Variants in ECHS1 observed in about 807,000 individuals in gnomAD.
The protein encoded by ECHS1 is enoyl-CoA hydratase, short chain 1.
Under a neutral mutation model 33.5 loss-of-function variants are expected in ECHS1, and 19 were observed. The ratio of observed to expected loss-of-function variants is 0.57; its 90% confidence interval spans 0.40 to 0.83. ECHS1 has a LOEUF of 0.83. Among genes scored for constraint, ECHS1 ranks in the 40% least tolerant of loss-of-function variants. The probability of loss-of-function intolerance (pLI) is 0.00; values close to 1 mark genes in which losing one functional copy is unlikely to be tolerated. For synonymous variants in ECHS1, 158 were observed against 146.6 expected (o/e 1.08, Z -0.56); for missense variants, 365 against 381.3 (o/e 0.96, Z 0.36).
intron 2 of ECHS1, 149 bp from the exon 3 acceptor site, chr10:133,370,180 T>A: frequency 8.9e-7 from 1 of 1,128,838 alleles, no homozygotes; most frequent in Admixed American, 2.7e-5. Context: ...CGTGGACAGC[T>A]GTAGGGACGC....
At chr10:133,363,549 C>T (rs767693827) in intron 7 of ECHS1, among the ~76,000 whole-genome samples, 4 of 152,144 alleles carry the variant, frequency 2.6e-5, no homozygotes, top group South Asian at 2.1e-4. Context: ...TGTGGGAGGC[C>T]GAGGCAGGCA....
At chr10:133,370,805 C>A in intron 1 of ECHS1, 48 bp from the exon 2 acceptor site, 2 of 1,564,950 alleles carry the variant, frequency 1.3e-6, no homozygotes, top group Non-Finnish European at 1.7e-6. Context: ...AGGTATCAAA[C>A]TGGGGAGAGT....
At chr10:133,363,243 G>A (rs1005428775) in intron 7 of ECHS1, among the ~76,000 whole-genome samples, 1 of 152,260 alleles carries the variant, frequency 6.6e-6, no homozygotes, top group Non-Finnish European at 1.5e-5. Flanking sequence ...TCAACTGGAT[G>A]ATGGGTGGCC....
chr10:133,368,107 C>T (rs776931630), intron 4 of ECHS1, among the ~76,000 whole-genome samples: 1 of 152,170 alleles, frequency 6.6e-6, no homozygotes, highest in South Asian at 2.1e-4. Flanking sequence ...CTCTCGTCTC[C>T]GCACATGGGG....
chr10:133,364,611 T>C, intron 7 of ECHS1, 47 bp downstream of exon 7: 2 of 1,425,054 alleles, frequency 1.4e-6, no homozygotes, highest in Non-Finnish European at 2.0e-6. Context: ...CAGCAACTTG[T>C]GTGACTGGAA....
In ECHS1 at chr10:133,370,585, G is replaced by A. The variant is rs770887037; in HGVS notation, c.261C>T (p.Leu87=). ...EEDPAVGAIV[L]TGGDKAFAAG... ...CTGCAAAGGCCTTATCCCCGCCGGTGAGGACAATGGCCCCCACGGCCGGGT... is the reference window on the plus strand; with the variant it reads ...CTGCAAAGGCCTTATCCCCGCCGGTAAGGACAATGGCCCCCACGGCCGGGT... The change falls in exon 2 of 8, where the codon CTC becomes CTT. Residue 87 remains leucine (L), a synonymous_variant. Coordinates refer to ENST00000368547, the MANE Select transcript of ECHS1 (RefSeq NM_004092.4). 33 of 1,604,100 alleles carry A rather than the reference G, an allele frequency of 2.1e-5. No individual in the cohort carries two copies. Among genetic ancestry groups the A allele is most frequent in the Non-Finnish European group, 2.6e-5 (31 of 1,176,050 alleles).
intron 1 of ECHS1, among the ~76,000 whole-genome samples, 179 bp from the exon 2 acceptor site, chr10:133,370,936 C>T (rs1849100023): frequency 6.6e-6 from 1 of 152,046 alleles, no homozygotes; most frequent in Non-Finnish European, 1.5e-5. Context: ...TAGATGGTAG[C>T]CTTGGTACCA....
intron 5 of ECHS1, 96 bp from the exon 6 acceptor site, chr10:133,366,191 AC>A: frequency 6.9e-7 from 1 of 1,439,272 alleles, no homozygotes; most frequent in Non-Finnish European, 9.3e-7. Flanking sequence ...TGGCTGGAGC[AC>A]CCCAGCCTCT....
intron 6 of ECHS1, among the ~76,000 whole-genome samples, chr10:133,365,615 G>A (rs1849017558): frequency 3.3e-5 from 5 of 152,206 alleles, no homozygotes; most frequent in African/African-American, 4.8e-5. Flanking sequence ...ACACGCAGCC[G>A]CCAACCCCAG....
At chr10:133,364,927 C>T (rs1207672241) in intron 6 of ECHS1, among the ~76,000 whole-genome samples, 2 of 152,168 alleles carry the variant, frequency 1.3e-5, no homozygotes, top group Admixed American at 1.3e-4. Flanking sequence ...TCTGCTATGG[C>T]CCCCAAACGT....
intron 1 of ECHS1, among the ~76,000 whole-genome samples, chr10:133,371,286 GAAAAGAAA>G (rs1202954490): frequency 6.6e-6 from 1 of 150,572 alleles, no homozygotes; most frequent in Non-Finnish European, 1.5e-5. Flanking sequence ...CAAAAAAAAA[GAAAAGAAA>G]AAAAGAAAAA....
intron 6 of ECHS1, among the ~76,000 whole-genome samples, chr10:133,365,415 G>A (rs1370104755): frequency 3.9e-5 from 6 of 152,216 alleles, no homozygotes; most frequent in Admixed American, 2.0e-4. Flanking sequence ...ACACCTGTCC[G>A]GACTCAACCA....
intron 3 of ECHS1, 143 bp from the exon 4 acceptor site, chr10:133,369,165 T>C (rs1345126240): frequency 2.9e-6 from 2 of 694,782 alleles, no homozygotes; most frequent in Non-Finnish European, 4.9e-6. Flanking sequence ...AACTAGATAA[T>C]TGTTATGATA....
chr10:133,373,050 G>A lies in ECHS1; in HGVS notation c.88+196C>T, dbSNP rs1248125403. Among the ~76,000 whole-genome samples the A allele has an allele frequency of 2.2e-5, 2 of 89,256 alleles. 1 individual carries two copies. Among genetic ancestry groups the A allele is most frequent in the Non-Finnish European group, 4.7e-5 (2 of 42,860 alleles). 58.6% of individuals were successfully genotyped at this position (89,256 alleles called of 152,430 possible). A position where few individuals can be genotyped will look rare whatever the true frequency, so the allele number is the denominator to read the frequency against. ...GGGGGGGTGCGGGGTCAGGCGGGGG[G>A]GTGCGGGGTCAGGCGGAGTGGGGTG... On this transcript the variant is annotated intron_variant, in intron 1 of 7. Coordinates refer to ENST00000368547, the MANE Select transcript of ECHS1 (RefSeq NM_004092.4).
Position 133,368,980 on chromosome 10 carries a change from A to T in ECHS1, c.457T>A (p.Tyr153Asn), listed in dbSNP as rs2133441975. Residue 153 changes from tyrosine (Y) to asparagine (N), a missense_variant, in exon 4 of 8, where the codon TAT becomes AAT. Coordinates refer to ENST00000368547, the MANE Select transcript of ECHS1 (RefSeq NM_004092.4). The stretch of plus-strand genomic sequence containing the variant: ...GCAAACTGGGCCTTCTCACCGGCAT[A>T]GATGATATCACACATCATGGCAAGC... Reference protein sequence around the residue: ...CELAMMCDIIYAGEKAQFAQP... With the variant: ...CELAMMCDIINAGEKAQFAQP... The T allele has an allele frequency of 6.2e-7, 1 of 1,613,764 alleles. No individual in the cohort carries two copies. Among genetic ancestry groups the T allele is most frequent in the Non-Finnish European group, 8.5e-7 (1 of 1,179,954 alleles).
Position 133,370,484 on chromosome 10 carries a change from G to T in ECHS1, c.286+76C>A. The T allele has an allele frequency of 1.4e-6, 2 of 1,399,362 alleles. 1 individual carries two copies. The highest frequency in any genetic ancestry group is 3.1e-5 in the South Asian group (2 of 64,394). 86.7% of individuals were successfully genotyped at this position (1,399,362 alleles called of 1,614,324 possible). A position where few individuals can be genotyped will look rare whatever the true frequency, so the allele number is the denominator to read the frequency against. On this transcript the variant is annotated intron_variant, in intron 2 of 7. Transcript: ENST00000368547. Reference sequence around the variant, plus strand: ...TCTGCCATCACAGAGGCGCAAATCTGTCTGGAGGCTTCTCCCAAGGCCATA... The same window carrying T: ...TCTGCCATCACAGAGGCGCAAATCTTTCTGGAGGCTTCTCCCAAGGCCATA...
chr10:133,369,132 CAA>C (rs780516832), intron 3 of ECHS1, 110 bp from the exon 4 acceptor site: 4 of 911,976 alleles, frequency 4.4e-6, no homozygotes, highest in Non-Finnish European at 6.8e-6. Flanking sequence ...GGGGGTATGA[CAA>C]AGACTAACAT....
In ECHS1 at chr10:133,369,914, T is replaced by C. The variant is rs144800865; in HGVS notation, c.404A>G (p.Asn135Ser). The C allele has an allele frequency of 2.1e-5, 34 of 1,613,542 alleles. No individual in the cohort carries two copies. The highest frequency in any genetic ancestry group is 2.7e-5 in the African/African-American group (2 of 74,934). ...QVKKPVIAAV[N>S]GYAFGGGCEL... The stretch of plus-strand genomic sequence containing the variant: ...GGCAGCAACACTCACGGCATAGCCA[T>C]TGACAGCAGCGATGACTGGCTTCTT... The change falls in exon 3 of 8, where the codon AAT (asparagine) becomes AGT (serine). Residue 135 changes from asparagine (N) to serine (S), a missense_variant. Coordinates refer to ENST00000368547, the MANE Select transcript of ECHS1 (RefSeq NM_004092.4).
At chr10:133,364,240 G>T (rs77113883) in intron 7 of ECHS1, among the ~76,000 whole-genome samples, 1 of 152,062 alleles carries the variant, frequency 6.6e-6, no homozygotes, top group Non-Finnish European at 1.5e-5. Flanking sequence ...CACCGCGCCC[G>T]GCCTCATTTT....
Sources: allele counts gnomAD v4.1 joint callset (sites outside exome capture counted in the v4.1 genomes callset), GRCh38; gene constraint gnomAD v4.1.1; transcripts MANE v1.5; gene names NCBI Gene and HGNC (gene_info 2026-07-23, HGNC 2026-07-21).